TEK: variants seen among roughly 807,000 people sequenced by gnomAD.
The protein encoded by TEK is TEK receptor tyrosine kinase, also known as angiopoietin-1 receptor.
In TEK, 43 loss-of-function variants were observed where a neutral mutation model predicts 131.8. The observed-to-expected ratio is 0.33, with a 90% CI of 0.26 to 0.42. The LOEUF (loss-of-function observed/expected upper bound fraction) is 0.42, where lower values mean the gene tolerates loss of function less well. Ranked by LOEUF, TEK falls within the 10% of genes least tolerant of loss-of-function variation. The pLI, the probability that TEK is intolerant of heterozygous loss-of-function variation, is 1.00. For missense variants in TEK, 1,162 were observed against 1,384.4 expected (o/e 0.84, Z 2.55); for synonymous variants, 580 against 491.6 (o/e 1.18, Z -2.38).
intron 20 of TEK, among the ~76,000 whole-genome samples, chr9:27,219,170 G>A (rs1460876702): frequency 1.3e-5 from 2 of 152,128 alleles, no homozygotes; most frequent in Admixed American, 1.3e-4. Context: ...ATAATTTCAT[G>A]TATACCCTGA....
chr9:27,220,781 C>T (rs1826033056), intron 21 of TEK, among the ~76,000 whole-genome samples: 2 of 152,340 alleles, frequency 1.3e-5, no homozygotes, highest in South Asian at 2.1e-4. Flanking sequence ...GTCTTTGCAA[C>T]CTGCAGACCA....
chr9:27,124,430 C>T (rs1446933487), intron 1 of TEK, among the ~76,000 whole-genome samples: 1 of 152,202 alleles, frequency 6.6e-6, no homozygotes. Context: ...GCATGTTTTA[C>T]TCGTGATGTT....
chr9:27,201,617 C>T (rs141071513), intron 12 of TEK, among the ~76,000 whole-genome samples: 2 of 152,260 alleles, frequency 1.3e-5, no homozygotes, highest in East Asian at 3.9e-4. Context: ...TTGGAAGGTT[C>T]TAAATCCAAT....
chr9:27,219,798 G>C (rs1333626295), intron 20 of TEK, among the ~76,000 whole-genome samples: 1 of 151,916 alleles, frequency 6.6e-6, no homozygotes, highest in African/African-American at 2.4e-5. Context: ...TTTGTGTGGG[G>C]AGACTTAGAA....
At chr9:27,204,215 G>A (rs1308472486) in intron 13 of TEK, among the ~76,000 whole-genome samples, 1 of 152,182 alleles carries the variant, frequency 6.6e-6, no homozygotes, top group African/African-American at 2.4e-5. Context: ...AATGAGAAGA[G>A]AGGGATACTT....
At chr9:27,152,905 A>T (rs1823183797) in intron 1 of TEK, among the ~76,000 whole-genome samples, 1 of 152,226 alleles carries the variant, frequency 6.6e-6, no homozygotes, top group South Asian at 2.1e-4. Context: ...AATATTGAAT[A>T]CAAGAAAATG....
At chr9:27,212,956 T>C in intron 17 of TEK, 59 bp downstream of exon 17, 1 of 1,569,770 alleles carries the variant, frequency 6.4e-7, no homozygotes, top group Non-Finnish European at 8.7e-7. Context: ...CTAAAGTCAG[T>C]TTCAATATGT....
At chr9:27,189,602 A>G (rs982168882) in intron 9 of TEK, among the ~76,000 whole-genome samples, 9 of 152,160 alleles carry the variant, frequency 5.9e-5, no homozygotes, top group Non-Finnish European at 1.2e-4. Context: ...TTTCCTGACA[A>G]TAGTCAGAGA....
At chr9:27,215,469 C>T (rs1376207353) in intron 18 of TEK, among the ~76,000 whole-genome samples, 1 of 152,052 alleles carries the variant, frequency 6.6e-6, no homozygotes, top group Non-Finnish European at 1.5e-5. Context: ...TACTTCAAAG[C>T]ATCTGCATTT....
chr9:27,137,605 A>G (rs936612579), intron 1 of TEK, among the ~76,000 whole-genome samples: 17 of 152,246 alleles, frequency 1.1e-4, no homozygotes, highest in African/African-American at 3.4e-4. Context: ...TCCTAATAAA[A>G]ATCATTTTAT....
intron 16 of TEK, chr9:27,210,366 A>G: frequency 6.2e-6 from 1 of 161,844 alleles, no homozygotes; most frequent in Non-Finnish European, 1.4e-5. Flanking sequence ...TTTCTGTACA[A>G]ACCCTACAAA....
intron 15 of TEK, among the ~76,000 whole-genome samples, chr9:27,207,079 TA>T (rs1176868565): frequency 6.6e-6 from 1 of 152,238 alleles, no homozygotes; most frequent in East Asian, 1.9e-4. Context: ...TTGTTTCTCT[TA>T]AAGCAGTGCT....
chr9:27,189,098 T>G (rs1407214362), intron 9 of TEK, among the ~76,000 whole-genome samples: 8 of 152,168 alleles, frequency 5.3e-5, no homozygotes, highest in Admixed American at 4.6e-4. Context: ...AGGTTCTGCA[T>G]TGTATAATAC....
At position 27,168,559 on chromosome 9, in the gene TEK, CA is replaced by C; in HGVS notation, c.434del (p.Lys145ArgfsTer3). The C allele has an allele frequency of 1.2e-6, 2 of 1,613,778 alleles. No individual in the cohort carries two copies. Among genetic ancestry groups the C allele is most frequent in the Non-Finnish European group, 1.7e-6 (2 of 1,179,836 alleles). On this transcript the variant is annotated frameshift_variant, in exon 3 of 23. Transcript: ENST00000380036. LOFTEE classifies it high-confidence loss of function. ...AGGGAGATAACGTGAACATATCTTT[CA>C]AAAAGGTATTGATTAAAGAAGAAGA... is the stretch of plus-strand genomic sequence containing the variant. ...DKGDNVNISF[K>X]KVLIKEEDAV...
chr9:27,184,259 G>A (rs1311651207), intron 8 of TEK, among the ~76,000 whole-genome samples: 2 of 152,114 alleles, frequency 1.3e-5, no homozygotes, highest in Non-Finnish European at 2.9e-5. Context: ...TGTTTAAAAG[G>A]ATCAAGCTAC....
chr9:27,228,117 G>C, intron 21 of TEK, 89 bp from the exon 22 acceptor site: 1 of 1,080,714 alleles, frequency 9.3e-7, no homozygotes, highest in South Asian at 1.3e-5. Context: ...CCATGCATTG[G>C]GTGGCTTCAT....
At chr9:27,215,441 G>C (rs141176790) in intron 18 of TEK, among the ~76,000 whole-genome samples, 387 of 152,120 alleles carry the variant, frequency 2.5e-3, no homozygotes, top group African/African-American at 8.5e-3. Context: ...TTTAAAATCA[G>C]ATTTTCAATT....
At chr9:27,152,602 C>CGACA (rs1823172096) in intron 1 of TEK, among the ~76,000 whole-genome samples, 1 of 111,998 alleles carries the variant, frequency 8.9e-6, no homozygotes, top group African/African-American at 3.5e-5. Flanking sequence ...CCCCCCGCCG[C>CGACA]AAAAAAATAA....
intron 13 of TEK, among the ~76,000 whole-genome samples, chr9:27,203,458 C>G (rs1427507056): frequency 6.6e-6 from 1 of 151,970 alleles, no homozygotes; most frequent in Non-Finnish European, 1.5e-5. Flanking sequence ...GTAGGAGGCT[C>G]CAAGAACCAT....
Sources: allele counts gnomAD v4.1 joint callset (sites outside exome capture counted in the v4.1 genomes callset), GRCh38; gene constraint gnomAD v4.1.1; transcripts MANE v1.5; gene names NCBI Gene and HGNC (gene_info 2026-07-23, HGNC 2026-07-21).